The following GDAP2 variants were observed in gnomAD, a reference collection of about 807,000 sequenced individuals.
GDAP2 encodes the protein ganglioside induced differentiation associated protein 2.
GDAP2 carries 51 observed loss-of-function variants against 67.0 expected under a neutral mutation model. The observed-to-expected ratio is 0.76, with a 90% CI of 0.61 to 0.96. The LOEUF is 0.96. GDAP2 is among the 40% of genes least tolerant of loss of function. GDAP2 has a pLI of 0.00. For synonymous variants in GDAP2, 203 were observed against 207.3 expected (o/e 0.98, Z 0.18); for missense variants, 547 against 588.3 (o/e 0.93, Z 0.73).
chr1:117,921,681 G>C (rs1316786218), intron 1 of GDAP2, among the ~76,000 whole-genome samples: 1 of 152,130 alleles, frequency 6.6e-6, no homozygotes, highest in Non-Finnish European at 1.5e-5. Context: ...AAGAAGTTTA[G>C]ATCTTATTCT....
At chr1:117,881,194 A>T (rs1223239707) in intron 12 of GDAP2, among the ~76,000 whole-genome samples, 1 of 152,176 alleles carries the variant, frequency 6.6e-6, no homozygotes. Flanking sequence ...GTCAGTTTTT[A>T]GCTTGATAGA....
At chr1:117,903,166 T>G (rs1649541020) in intron 6 of GDAP2, among the ~76,000 whole-genome samples, 1 of 149,538 alleles carries the variant, frequency 6.7e-6, no homozygotes. Context: ...GTTTGTTTGG[T>G]TTTTTTTTGG....
chr1:117,878,755 C>T (rs937719210), intron 12 of GDAP2, among the ~76,000 whole-genome samples: 2 of 151,904 alleles, frequency 1.3e-5, no homozygotes, highest in African/African-American at 4.8e-5. Flanking sequence ...TTTGTTGGTT[C>T]CCAAAAAAAG....
intron 2 of GDAP2, 118 bp from the exon 3 acceptor site, chr1:117,918,854 A>C: frequency 1.2e-6 from 1 of 810,712 alleles, no homozygotes; most frequent in Non-Finnish European, 2.0e-6. Flanking sequence ...TTGCTAGCTC[A>C]CAAGCTAAGC....
intron 8 of GDAP2, among the ~76,000 whole-genome samples, chr1:117,889,150 T>G (rs948646437): frequency 1.3e-5 from 2 of 152,048 alleles, no homozygotes; most frequent in African/African-American, 4.8e-5. Context: ...CTATTCCATA[T>G]TTTCATACAG....
chr1:117,906,368 G>A (rs1022257248), intron 6 of GDAP2, 138 bp downstream of exon 6: 3 of 571,676 alleles, frequency 5.2e-6, no homozygotes, highest in East Asian at 5.6e-5. Context: ...ATGAATGATT[G>A]TAAGACCCAC....
At position 117,864,470 on chromosome 1, in the gene GDAP2, A is replaced by G. The variant is rs1647995718; in HGVS notation, c.*6099T>C. On this transcript the variant is annotated 3_prime_UTR_variant, in exon 14 of 14. Coordinates refer to ENST00000369443, the MANE Select transcript of GDAP2 (RefSeq NM_017686.4). ...GTACATGGCAGTACATGCCTGTTGA[A>G]CTGAAAAGAGCCTGTACTGTAGCAC... is the stretch of plus-strand genomic sequence containing the variant. 6.6e-6 allele frequency: 1 copy of G among 152,258 alleles called. No homozygotes were observed. The highest frequency in any genetic ancestry group is 1.5e-5 in the Non-Finnish European group (1 of 68,040). The allele number at this position is 152,258 out of a possible 1,614,324, so 9.4% of individuals were successfully genotyped here.
At position 117,866,906 on chromosome 1, in the gene GDAP2, C is replaced by T. The variant is rs1462769272; in HGVS notation, c.*3663G>A. On this transcript the variant is annotated 3_prime_UTR_variant, in exon 14 of 14. Transcript: ENST00000369443. The stretch of plus-strand genomic sequence containing the variant: ...GAAAAAGAAAAAGAAACCTAACTAA[C>T]TCCAGTTTTCAAGGTGTTTTTATAT... 2 of 150,006 alleles carry T rather than the reference C, an allele frequency of 1.3e-5. No homozygotes were observed. The highest frequency in any genetic ancestry group is 3.0e-5 in the Non-Finnish European group (2 of 67,562). The allele number at this position is 150,006 out of a possible 1,614,324, so 9.3% of individuals were successfully genotyped here.
intron 1 of GDAP2, among the ~76,000 whole-genome samples, chr1:117,926,939 C>T (rs1435619815): frequency 6.6e-6 from 1 of 151,874 alleles, no homozygotes; most frequent in African/African-American, 2.4e-5. Flanking sequence ...AGACTGTCCA[C>T]TGAAAATCAG....
At chr1:117,907,996 C>A (rs760953322) in intron 5 of GDAP2, among the ~76,000 whole-genome samples, 2 of 152,064 alleles carry the variant, frequency 1.3e-5, no homozygotes, top group Non-Finnish European at 2.9e-5. Flanking sequence ...TATGCTTTAG[C>A]CAAATCTACT....
chr1:117,888,870 T>C (rs1232190520), intron 8 of GDAP2, among the ~76,000 whole-genome samples: 7 of 152,120 alleles, frequency 4.6e-5, no homozygotes. Context: ...AAAGTACAAT[T>C]GCACAACTGA....
intron 6 of GDAP2, among the ~76,000 whole-genome samples, chr1:117,900,609 A>G (rs1418409634): frequency 6.6e-6 from 1 of 151,270 alleles, no homozygotes. Context: ...CTACTAAAAT[A>G]TAAAAAATTA....
intron 5 of GDAP2, among the ~76,000 whole-genome samples, chr1:117,910,804 T>C (rs1021401984): frequency 1.1e-4 from 16 of 152,214 alleles, no homozygotes; most frequent in African/African-American, 3.9e-4. Context: ...CTACTTCAAG[T>C]GGGACCAACA....
chr1:117,898,289 C>T (rs1343571488), intron 7 of GDAP2, among the ~76,000 whole-genome samples: 3 of 152,140 alleles, frequency 2.0e-5, no homozygotes, highest in Non-Finnish European at 2.9e-5. Flanking sequence ...CATGACTACC[C>T]CTTCAGCAAA....
In GDAP2 at chr1:117,910,187, G is replaced by A. The variant is rs190179092; in HGVS notation, c.559+1807C>T. 2.7e-4 allele frequency among the ~76,000 whole-genome samples: 41 copies of A among 152,148 alleles called. No individual in the cohort carries two copies. In the East Asian group the frequency reaches 3.7e-3, roughly 14 times the overall value. On this transcript the variant is annotated intron_variant, in intron 5 of 13. Coordinates refer to ENST00000369443, the MANE Select transcript of GDAP2 (RefSeq NM_017686.4). ...TATAACAGACAGGTTACTAGACCTG[G>A]GAGTCAGAAGGTCTGGATATATGCT...
chr1:117,893,933 CTA>C (rs1401382993), intron 8 of GDAP2, among the ~76,000 whole-genome samples: 1 of 151,808 alleles, frequency 6.6e-6, no homozygotes, highest in African/African-American at 2.4e-5. Context: ...AATGAAAAAC[CTA>C]TTTTGTGAAC....
chr1:117,904,197 C>A (rs1474565082), intron 6 of GDAP2, among the ~76,000 whole-genome samples: 1 of 152,052 alleles, frequency 6.6e-6, no homozygotes, highest in Non-Finnish European at 1.5e-5. Flanking sequence ...CCATGTTGGC[C>A]AGGCAGGTCT....
Position 117,868,531 on chromosome 1 carries a change from T to C in GDAP2, c.*2038A>G, listed in dbSNP as rs1429061461. 2 of 152,290 alleles carry C rather than the reference T, an allele frequency of 1.3e-5. No individual in the cohort carries two copies. Among genetic ancestry groups the C allele is most frequent in the South Asian group, 2.1e-4 (1 of 4,830 alleles). 9.4% of individuals were successfully genotyped at this position (152,290 alleles called of 1,614,324 possible). A position where few individuals can be genotyped will look rare whatever the true frequency, so the allele number is the denominator to read the frequency against. On this transcript the variant is annotated 3_prime_UTR_variant, in exon 14 of 14. Transcript: ENST00000369443. Reference sequence around the variant, plus strand: ...AATTGTATATATAAATTTGCTTCCTTTCAAATTGGCAAAGTAGCTTACGGC... The same window carrying C: ...AATTGTATATATAAATTTGCTTCCTCTCAAATTGGCAAAGTAGCTTACGGC...
intron 1 of GDAP2, among the ~76,000 whole-genome samples, chr1:117,925,643 G>A (rs529697621): frequency 6.6e-6 from 1 of 152,294 alleles, no homozygotes; most frequent in African/African-American, 2.4e-5. Context: ...GGCAGAGACA[G>A]TATGGTTCGA....
Sources: gnomAD v4.1 joint callset for allele counts (sites outside exome capture counted in the v4.1 genomes callset) on GRCh38, gnomAD v4.1.1 for gene constraint, MANE v1.5 for transcripts, NCBI Gene and HGNC (gene_info 2026-07-23, HGNC 2026-07-21) for gene names.